ADGRV1: variants seen among roughly 807,000 people sequenced by gnomAD.
ADGRV1 encodes adhesion G protein-coupled receptor V1, also known as G-protein coupled receptor 98.
A neutral mutation model predicts 596.2 loss-of-function variants in ADGRV1; 359 were observed. The ratio of observed to expected loss-of-function variants is 0.60; its 90% CI spans 0.55 to 0.66. The LOEUF is 0.66. Ranked by LOEUF, ADGRV1 falls within the 30% of genes least tolerant of loss-of-function variation. The pLI is 0.00. For synonymous variants in ADGRV1, 2,681 were observed against 2,679.2 expected, an observed-to-expected ratio of 1.00 and a Z score of -0.02; for missense variants, 7,274 against 7,575.6, an observed-to-expected ratio of 0.96 and a Z score of 1.48.
chr5:90,642,541 A>C, intron 11 of ADGRV1, 95 bp from the exon 12 acceptor site: 1 of 1,308,082 alleles, frequency 7.6e-7, no homozygotes, highest in African/African-American at 1.5e-5. Context: ...CCTTTTCATT[A>C]TCTGGAAGAG....
chr5:91,136,890 T>G (rs1468756226), intron 87 of ADGRV1, among the ~76,000 whole-genome samples: 2 of 146,842 alleles, frequency 1.4e-5, no homozygotes, highest in East Asian at 4.0e-4. Context: ...GATTTTTTTT[T>G]GTCAAATTAC....
chr5:90,856,570 C>A (rs899705839), intron 82 of ADGRV1, among the ~76,000 whole-genome samples: 1 of 152,122 alleles, frequency 6.6e-6, no homozygotes, highest in African/African-American at 2.4e-5. Context: ...TATACCCCAC[C>A]CTCACCCATT....
chr5:90,989,030 C>T (rs185572414), intron 85 of ADGRV1, among the ~76,000 whole-genome samples: 2 of 152,030 alleles, frequency 1.3e-5, no homozygotes, highest in East Asian at 3.9e-4. Flanking sequence ...TTTCTTAATC[C>T]AGTCTATCAT....
At chr5:90,571,064 G>A (rs1334669958) in intron 1 of ADGRV1, among the ~76,000 whole-genome samples, 2 of 152,066 alleles carry the variant, frequency 1.3e-5, no homozygotes, top group South Asian at 2.1e-4. Flanking sequence ...CCTAGGGTTT[G>A]TTGTTGTCCC....
At chr5:91,091,390 T>C (rs1790374051) in intron 86 of ADGRV1, among the ~76,000 whole-genome samples, 1 of 152,162 alleles carries the variant, frequency 6.6e-6, no homozygotes, top group South Asian at 2.1e-4. Flanking sequence ...AATTTTACTT[T>C]TAACTGTAGC....
intron 83 of ADGRV1, among the ~76,000 whole-genome samples, chr5:90,942,438 T>C (rs904023535): frequency 3.3e-5 from 5 of 152,212 alleles, no homozygotes; most frequent in Non-Finnish European, 5.9e-5. Flanking sequence ...GAAATAGTTA[T>C]GGAAGATTGG....
intron 85 of ADGRV1, among the ~76,000 whole-genome samples, chr5:91,009,459 A>G (rs1048926123): frequency 6.6e-6 from 1 of 152,150 alleles, no homozygotes; most frequent in Non-Finnish European, 1.5e-5. Context: ...ACTTACTGTT[A>G]TCCGTCCCAT....
rs566087948 is a variant in ADGRV1, at chr5:90,846,187, G to A, written c.17020-2450G>A. ...AAGTTACATGTAAGTTACAAAGAGAGTGATAATGTAGGTTGGTAGATGGGG... is the reference window on the plus strand; with the variant it reads ...AAGTTACATGTAAGTTACAAAGAGAATGATAATGTAGGTTGGTAGATGGGG... On this transcript the variant is annotated intron_variant, in intron 78 of 89. Transcript: ENST00000405460. 6.6e-5 allele frequency among the ~76,000 whole-genome samples: 10 copies of A among 152,038 alleles called. No homozygotes were observed. In the South Asian group the frequency reaches 1.5e-3, roughly 22 times the overall value.
chr5:90,912,159 C>G (rs540812972), intron 83 of ADGRV1, among the ~76,000 whole-genome samples: 7 of 151,874 alleles, frequency 4.6e-5, no homozygotes, highest in Non-Finnish European at 8.8e-5. Flanking sequence ...GAAAAGAGAA[C>G]CTTGTTAGCA....
chr5:90,869,657 A>T (rs1057180110), intron 83 of ADGRV1, among the ~76,000 whole-genome samples: 1 of 152,198 alleles, frequency 6.6e-6, no homozygotes, highest in Non-Finnish European at 1.5e-5. Context: ...TGCCTTATTA[A>T]ATTTCTGCAC....
intron 11 of ADGRV1, 33 bp from the exon 12 acceptor site, chr5:90,642,603 A>G (rs910794321): frequency 1.0e-5 from 16 of 1,603,538 alleles, no homozygotes; most frequent in Non-Finnish European, 1.4e-5. Context: ...AACTGGAAGT[A>G]GCGGGTGCCA....
intron 36 of ADGRV1, among the ~76,000 whole-genome samples, 173 bp from the exon 37 acceptor site, chr5:90,705,227 A>G (rs1302549876): frequency 1.3e-5 from 2 of 152,228 alleles, no homozygotes; most frequent in Non-Finnish European, 2.9e-5. Context: ...AAAGAAATTC[A>G]TGATCTTCCA....
At chr5:90,771,708 G>T (rs150748393) in intron 59 of ADGRV1, among the ~76,000 whole-genome samples, 306 of 152,164 alleles carry the variant, frequency 2.0e-3, no homozygotes, top group African/African-American at 6.1e-3. Context: ...CCTATATATA[G>T]TACCATTTCT....
chr5:90,610,237 T>A (rs542196589), intron 1 of ADGRV1, among the ~76,000 whole-genome samples: 1 of 152,048 alleles, frequency 6.6e-6, no homozygotes, highest in Non-Finnish European at 1.5e-5. Flanking sequence ...ATGAATTTTA[T>A]AATATTTGAT....
At chr5:90,839,158 C>T (rs1237906601) in intron 77 of ADGRV1, among the ~76,000 whole-genome samples, 1 of 152,072 alleles carries the variant, frequency 6.6e-6, no homozygotes, top group Non-Finnish European at 1.5e-5. Flanking sequence ...AATAATGAAC[C>T]TACATGCCTA....
intron 83 of ADGRV1, among the ~76,000 whole-genome samples, chr5:90,957,686 T>C (rs1777604685): frequency 6.7e-6 from 1 of 149,324 alleles, no homozygotes; most frequent in African/African-American, 2.4e-5. Context: ...ATGAAGTTTT[T>C]CCTAGTATCA....
chr5:90,565,152 G>A lies in ADGRV1; in HGVS notation c.22+6235G>A, dbSNP rs749691486. On this transcript the variant is annotated intron_variant, in intron 1 of 89. Transcript: ENST00000405460. ...CTTGGGAGGCTGAGTCAAGAGAATC[G>A]TTTGAACGCGGGAGACAGAGGTTGC... is the stretch of plus-strand genomic sequence containing the variant. 1.2e-3 allele frequency among the ~76,000 whole-genome samples: 178 copies of A among 152,198 alleles called. 1 individual carries two copies. Among genetic ancestry groups the A allele is most frequent in the Non-Finnish European group, 2.2e-3 (151 of 68,026 alleles).
At chr5:91,020,540 A>G (rs1469441518) in intron 85 of ADGRV1, among the ~76,000 whole-genome samples, 1 of 152,050 alleles carries the variant, frequency 6.6e-6, no homozygotes, top group Non-Finnish European at 1.5e-5. Context: ...AGGAAATGAC[A>G]GAGTCAGGTC....
At chr5:90,848,921 A>G in intron 79 of ADGRV1, 100 bp downstream of exon 79, 1 of 789,018 alleles carries the variant, frequency 1.3e-6, no homozygotes, top group East Asian at 3.0e-5. Flanking sequence ...GATGTAACTA[A>G]GAATGATACA....
Sources: allele counts gnomAD v4.1 joint callset (sites outside exome capture counted in the v4.1 genomes callset), GRCh38; gene constraint gnomAD v4.1.1; transcripts MANE v1.5; gene names NCBI Gene and HGNC (gene_info 2026-07-23, HGNC 2026-07-21).